PIBF1: variants seen among roughly 807,000 people sequenced by gnomAD.
PIBF1 encodes the protein progesterone immunomodulatory binding factor 1, also known as progesterone-induced-blocking factor 1.
A neutral mutation model predicts 112.5 loss-of-function variants in PIBF1; 90 were observed. That is an observed-to-expected ratio of 0.80 (90% CI 0.67 to 0.95). PIBF1 has a LOEUF of 0.95. PIBF1 is among the 40% of genes least tolerant of loss of function. The pLI, the probability that PIBF1 is intolerant of heterozygous loss-of-function variation, is 0.00. For missense variants in PIBF1, 915 were observed against 852.3 expected (o/e 1.07, Z -0.92); for synonymous variants, 301 against 288.6 (o/e 1.04, Z -0.44).
At chr13:73,014,627 G>C (rs895049812) in intron 17 of PIBF1, among the ~76,000 whole-genome samples, 1 of 152,142 alleles carries the variant, frequency 6.6e-6, no homozygotes, top group African/African-American at 2.4e-5. Flanking sequence ...TGTGCTAAGG[G>C]ATATTAATAA....
rs1366558246 is a variant in PIBF1 at position 72,995,676 on chromosome 13, G to A, written c.2050-3146G>A. Among the ~76,000 whole-genome samples the A allele has an allele frequency of 2.0e-5, 3 of 152,104 alleles. 1 individual carries two copies. Among genetic ancestry groups the A allele is most frequent in the South Asian group, 4.1e-4 (2 of 4,826 alleles). On this transcript the variant is annotated intron_variant, in intron 16 of 17. Coordinates refer to ENST00000326291, the MANE Select transcript of PIBF1 (RefSeq NM_006346.4). Reference sequence around the variant, plus strand: ...ATGTTTGAAAAAGAAAAGAGGCTGGGCACAGTGACTCACGCCTGTAATCCC... The same window carrying A: ...ATGTTTGAAAAAGAAAAGAGGCTGGACACAGTGACTCACGCCTGTAATCCC...
chr13:72,795,333 C>T, intron 3 of PIBF1, 26 bp from the exon 4 acceptor site: 1 of 1,391,062 alleles, frequency 7.2e-7, no homozygotes, highest in South Asian at 1.3e-5. Context: ...TTTTTAAAGC[C>T]TGCCATAAAT....
chr13:72,937,482 C>T (rs1349837371), intron 14 of PIBF1, among the ~76,000 whole-genome samples: 1 of 152,112 alleles, frequency 6.6e-6, no homozygotes, highest in Non-Finnish European at 1.5e-5. Context: ...TTTATTTATA[C>T]ACATATAAAC....
chr13:72,825,187 A>G (rs1418935246), intron 6 of PIBF1, among the ~76,000 whole-genome samples: 1 of 152,212 alleles, frequency 6.6e-6, no homozygotes, highest in African/African-American at 2.4e-5. Context: ...CAGGGAAAAA[A>G]AAATTCACAA....
intron 10 of PIBF1, among the ~76,000 whole-genome samples, chr13:72,893,146 T>G (rs951393991): frequency 6.6e-6 from 1 of 152,166 alleles, no homozygotes; most frequent in Non-Finnish European, 1.5e-5. Context: ...TTAAGTATTT[T>G]CAAATTTATA....
intron 10 of PIBF1, among the ~76,000 whole-genome samples, chr13:72,883,860 G>A (rs1182080399): frequency 2.0e-5 from 3 of 152,118 alleles, no homozygotes; most frequent in Non-Finnish European, 4.4e-5. Context: ...TTGGGAGGCT[G>A]GGGCGGGAGG....
In PIBF1 at chr13:72,954,793, A is replaced by G. The variant is rs551740394; in HGVS notation, c.1834-10481A>G. Among the ~76,000 whole-genome samples, 8 of 152,238 alleles carry G rather than the reference A, an allele frequency of 5.3e-5. No homozygotes were observed. The South Asian group carries it at 1.7e-3, about 32-fold the overall frequency. ...TGTGGTTTTTTTCAGTTCTTCTGTTAAATTCTTGTGTTGCTTCTTGTGAAA... is the reference window on the plus strand; with the variant it reads ...TGTGGTTTTTTTCAGTTCTTCTGTTGAATTCTTGTGTTGCTTCTTGTGAAA... On this transcript the variant is annotated intron_variant, in intron 14 of 17. Transcript: ENST00000326291.
chr13:72,994,068 G>A (rs2043566126), intron 16 of PIBF1, among the ~76,000 whole-genome samples: 2 of 151,222 alleles, frequency 1.3e-5, no homozygotes, highest in South Asian at 4.2e-4. Context: ...AGCCATATTT[G>A]CACCACCGCA....
In PIBF1 at chr13:72,821,911, A is replaced by G. The variant is rs757813173; in HGVS notation, c.735A>G (p.Leu245=). 2 of 1,612,902 alleles carry G rather than the reference A, an allele frequency of 1.2e-6. No individual in the cohort carries two copies. The highest frequency in any genetic ancestry group is 2.2e-5 in the South Asian group (2 of 91,004). ...EVQIRCQRLA[L]ELADTKQLIQ... Reference sequence around the variant, plus strand: ...AAATTAGATGTCAACGTTTGGCCTTAGAATTAGCAGACACAAAACAGTTAA... The same window carrying G: ...AAATTAGATGTCAACGTTTGGCCTTGGAATTAGCAGACACAAAACAGTTAA... Residue 245 remains leucine, a synonymous_variant, in exon 6 of 18, where the codon TTA becomes TTG. Transcript: ENST00000326291.
At chr13:73,006,005 C>A (rs555744011) in intron 17 of PIBF1, among the ~76,000 whole-genome samples, 1 of 150,526 alleles carries the variant, frequency 6.6e-6, no homozygotes, top group South Asian at 2.1e-4. Context: ...CTGCAACCTC[C>A]GTCTCCTGGG....
chr13:72,843,972 A>G lies in PIBF1; in HGVS notation c.1223+8604A>G, dbSNP rs1209076810. Among the ~76,000 whole-genome samples, 5 of 152,282 alleles carry G rather than the reference A, an allele frequency of 3.3e-5. No homozygotes were observed. In the South Asian group the frequency reaches 1.0e-3, roughly 32 times the overall value. ...TGAGGAAACATTGCTGTAATTATCA[A>G]CCTTTAAATTAACATCACGTTTTAA... On this transcript the variant is annotated intron_variant, in intron 9 of 17. Transcript: ENST00000326291.
In PIBF1 at chr13:72,931,154, C is replaced by T. The variant is rs767990221; in HGVS notation, c.1731-11C>T. 6.5e-7 allele frequency: 1 copy of T among 1,539,198 alleles called. No individual in the cohort carries two copies. Among genetic ancestry groups the T allele is most frequent in the African/African-American group, 1.4e-5 (1 of 72,816 alleles). On this transcript the variant is annotated splice_polypyrimidine_tract_variant and intron_variant, in intron 13 of 17. Coordinates refer to ENST00000326291, the MANE Select transcript of PIBF1 (RefSeq NM_006346.4). ...CTTTTAAGCATTAATTTTCTTATTTCATTTGCCTAGTGTTCACTTGGCAAG... is the reference window on the plus strand; with the variant it reads ...CTTTTAAGCATTAATTTTCTTATTTTATTTGCCTAGTGTTCACTTGGCAAG...
chr13:72,811,892 G>A (rs192209594), intron 5 of PIBF1, among the ~76,000 whole-genome samples: 7 of 152,262 alleles, frequency 4.6e-5, no homozygotes, highest in Admixed American at 2.6e-4. Context: ...TTTTAAGTAC[G>A]ACATAATTGG....
At chr13:72,959,004 T>G (rs775754515) in intron 14 of PIBF1, among the ~76,000 whole-genome samples, 37 of 152,108 alleles carry the variant, frequency 2.4e-4, no homozygotes, top group Non-Finnish European at 1.0e-4. Context: ...TGGTTTGTTT[T>G]TCTGGGTTTT....
chr13:72,897,413 A>T (rs569574892), intron 11 of PIBF1, among the ~76,000 whole-genome samples: 1 of 152,300 alleles, frequency 6.6e-6, no homozygotes, highest in African/African-American at 2.4e-5. Flanking sequence ...AACAACAACA[A>T]AAAAAGTACA....
chr13:72,905,967 T>G (rs973270805), intron 11 of PIBF1, among the ~76,000 whole-genome samples: 1 of 152,234 alleles, frequency 6.6e-6, no homozygotes. Flanking sequence ...TTTATCATTG[T>G]GTCAGCAGTG....
At position 72,921,396 on chromosome 13, in the gene PIBF1, A is replaced by C. The variant is rs1036009508; in HGVS notation, c.1730+4230A>C. 2.2e-4 allele frequency among the ~76,000 whole-genome samples: 33 copies of C among 152,314 alleles called. 1 individual carries two copies. The highest frequency in any genetic ancestry group is 1.8e-3 in the Admixed American group (28 of 15,292). On this transcript the variant is annotated intron_variant, in intron 13 of 17. Transcript: ENST00000326291. ...CCAAACTACAAGGATTACAGGCATG[A>C]GCCACCACACCAAGCCATGTTTATT...
intron 10 of PIBF1, among the ~76,000 whole-genome samples, chr13:72,879,349 C>A (rs2039531654): frequency 6.6e-6 from 1 of 152,024 alleles, no homozygotes; most frequent in African/African-American, 2.4e-5. Context: ...AGGAGATCTA[C>A]AATCCTCCCA....
chr13:72,800,889 A>C (rs1239853344), intron 5 of PIBF1, among the ~76,000 whole-genome samples: 1 of 152,214 alleles, frequency 6.6e-6, no homozygotes, highest in African/African-American at 2.4e-5. Context: ...CATTGTCAGA[A>C]TTCTGTAAGG....
Sources: allele counts gnomAD v4.1 joint callset (sites outside exome capture counted in the v4.1 genomes callset), GRCh38; gene constraint gnomAD v4.1.1; transcripts MANE v1.5; gene names NCBI Gene and HGNC (gene_info 2026-07-23, HGNC 2026-07-21).